Variants in ASMTL observed in about 807,000 individuals in gnomAD.
ASMTL encodes acetylserotonin O-methyltransferase like, also known as probable bifunctional dTTP/UTP pyrophosphatase/methyltransferase protein.
Under a neutral mutation model 60.3 loss-of-function variants are expected in ASMTL, and 57 were observed. That is an observed-to-expected ratio of 0.95 (90% CI 0.76 to 1.18). The LOEUF (loss-of-function observed/expected upper bound fraction) is 1.18. Among genes scored for constraint, ASMTL ranks in the 50% most tolerant of loss-of-function variants. The pLI, the probability that ASMTL is intolerant of heterozygous loss-of-function variation, is 0.00. For missense variants in ASMTL, 981 were observed against 852.6 expected (o/e 1.15, Z -1.88); for synonymous variants, 419 against 373.0 (o/e 1.12, Z -1.42).
chrX:1,436,299 G>A (rs1261212139), intron 3 of ASMTL, among the ~76,000 whole-genome samples: 7 of 151,878 alleles, frequency 4.6e-5, no homozygotes, highest in East Asian at 3.8e-4. Context: ...TCAGCCTCCC[G>A]AGTTGCTGGG....
chrX:1,433,516 A>G (rs1430518301), intron 5 of ASMTL, among the ~76,000 whole-genome samples: 1 of 149,862 alleles, frequency 6.7e-6, no homozygotes, highest in Admixed American at 6.7e-5. Context: ...AAAAAAAAAA[A>G]AAAAAAATAG....
intron 1 of ASMTL, among the ~76,000 whole-genome samples, chrX:1,451,821 G>T (rs2149356175): frequency 7.0e-6 from 1 of 142,620 alleles, no homozygotes; most frequent in East Asian, 2.2e-4. Context: ...ATGCCTGGGG[G>T]TCCCGGGTTA....
At chrX:1,414,890 T>G (rs1381584900) in intron 11 of ASMTL, among the ~76,000 whole-genome samples, 1 of 152,118 alleles carries the variant, frequency 6.6e-6, no homozygotes, top group Non-Finnish European at 1.5e-5. Context: ...CCCACAGGCC[T>G]GGCCGCTGTC....
rs748340482 is a variant in ASMTL, at chrX:1,428,032, G to A, written c.599C>T (p.Pro200Leu). Residue 200 changes from proline (P) to leucine (L), a missense_variant, in exon 7 of 13, where the codon CCG (proline) becomes CTG (leucine). Coordinates refer to ENST00000381317, the MANE Select transcript of ASMTL (RefSeq NM_004192.4). ...CAGCTGCTTGCAGAAGTGGTTCAGCGGGAATCCCACCACGTTCAGAAAGTC... is the reference window on the plus strand; with the variant it reads ...CAGCTGCTTGCAGAAGTGGTTCAGCAGGAATCCCACCACGTTCAGAAAGTC... ...HGDFLNVVGF[P>L]LNHFCKQLVK... 2.5e-5 allele frequency: 40 copies of A among 1,613,566 alleles called. 1 individual carries two copies. The highest frequency in any genetic ancestry group is 3.0e-5 in the Non-Finnish European group (35 of 1,179,870).
At chrX:1,434,135 G>C (rs1368882472) in intron 5 of ASMTL, among the ~76,000 whole-genome samples, 2 of 152,146 alleles carry the variant, frequency 1.3e-5, no homozygotes, top group Admixed American at 6.6e-5. Context: ...AGCTGGGAAT[G>C]GGTTGGTGCA....
At chrX:1,432,206 AC>A (rs201573194) in intron 6 of ASMTL, 62 bp downstream of exon 6, 17,797 of 1,340,356 alleles carry the variant, frequency 0.013, 232 homozygotes, top group South Asian at 0.043. Flanking sequence ...GGGACACCCC[AC>A]GTGTGAGGGT....
intron 8 of ASMTL, among the ~76,000 whole-genome samples, chrX:1,424,349 C>A (rs1341329401): frequency 6.6e-6 from 1 of 151,210 alleles, no homozygotes; most frequent in African/African-American, 2.4e-5. Context: ...ACCACCGATC[C>A]ACTGATATAT....
At chrX:1,408,094 G>A (rs1383199696) in intron 12 of ASMTL, among the ~76,000 whole-genome samples, 5 of 151,030 alleles carry the variant, frequency 3.3e-5, no homozygotes, top group East Asian at 1.9e-4. Flanking sequence ...CCAAATACTC[G>A]GGAGGCTGAG....
chrX:1,441,425 C>T (rs756639294), intron 2 of ASMTL, among the ~76,000 whole-genome samples: 29 of 152,086 alleles, frequency 1.9e-4, no homozygotes, highest in South Asian at 8.3e-4. Flanking sequence ...TACAGGCACC[C>T]GCCACCACGC....
chrX:1,432,580 A>G (rs1279702734), intron 5 of ASMTL, among the ~76,000 whole-genome samples: 1 of 152,242 alleles, frequency 6.6e-6, no homozygotes. Flanking sequence ...CTGTCATCCC[A>G]GCACCTTGGG....
intron 9 of ASMTL, 100 bp downstream of exon 9, chrX:1,421,558 C>T: frequency 7.6e-7 from 1 of 1,310,314 alleles, no homozygotes; most frequent in South Asian, 1.3e-5. Context: ...ATCTGTCAGA[C>T]TGGAGACAGA....
intron 1 of ASMTL, among the ~76,000 whole-genome samples, chrX:1,442,575 C>T (rs867056102): frequency 1.3e-5 from 2 of 151,786 alleles, no homozygotes; most frequent in African/African-American, 2.4e-5. Flanking sequence ...TCTTGGCTCT[C>T]GAGGGAAGAG....
At chrX:1,423,162 C>G (rs774795921) in intron 8 of ASMTL, among the ~76,000 whole-genome samples, 1 of 152,108 alleles carries the variant, frequency 6.6e-6, no homozygotes. Context: ...CCGTGTTAGC[C>G]AGGATGGTCT....
At position 1,432,308 on chromosome X, in the gene ASMTL, T is replaced by C. The variant is rs1195958782; in HGVS notation, c.470A>G (p.Glu157Gly). Residue 157 changes from glutamate to glycine, a missense_variant, in exon 6 of 13, where the codon GAG becomes GGG. Physicochemically the swap from Glu to Gly is moderately conservative, Grantham distance 98. Transcript: ENST00000381317. ...ETKVKFSELS[E>G]ELLWEYVHSG... The stretch of plus-strand genomic sequence containing the variant: ...GTGGACGTATTCCCAGAGCAGCTCC[T>C]CGGACAGCTCCGAGAACTTCACCTT... The C allele has an allele frequency of 3.7e-6, 6 of 1,608,910 alleles. No homozygotes were observed. Among genetic ancestry groups the C allele is most frequent in the Non-Finnish European group, 5.1e-6 (6 of 1,177,768 alleles).
chrX:1,450,994 C>G (rs1329835246), intron 1 of ASMTL, among the ~76,000 whole-genome samples: 1 of 138,500 alleles, frequency 7.2e-6, no homozygotes, highest in Admixed American at 7.0e-5. Flanking sequence ...TCCCCTCCCC[C>G]ATCCCTAGGG....
intron 6 of ASMTL, 124 bp downstream of exon 6, chrX:1,432,145 T>C: frequency 1.3e-6 from 1 of 765,942 alleles, no homozygotes; most frequent in Non-Finnish European, 2.2e-6. Context: ...CGGCTCTCCC[T>C]GTGCCACACG....
intron 7 of ASMTL, among the ~76,000 whole-genome samples, chrX:1,426,689 C>T (rs1224129803): frequency 9.2e-5 from 14 of 152,172 alleles, no homozygotes; most frequent in Non-Finnish European, 1.5e-4. Context: ...CCTGTCTCTA[C>T]TAAAAGTACA....
chrX:1,425,429 G>C (rs5949076), intron 8 of ASMTL, 96 bp downstream of exon 8: 998,396 of 1,369,690 alleles, frequency 0.73, 366,955 homozygotes, highest in South Asian at 0.86. Flanking sequence ...GAAGGTGTGG[G>C]CCTCCTTCCT....
In ASMTL at chrX:1,425,729, C is replaced by T. The variant is rs368600075; in HGVS notation, c.898-42G>A. The stretch of plus-strand genomic sequence containing the variant: ...CAGAGAGACTCATTAAGTCCCTTGT[C>T]CAGTACTTTCTACTCCCACAGACTC... On this transcript the variant is annotated intron_variant, in intron 7 of 12. Coordinates refer to ENST00000381317, the MANE Select transcript of ASMTL (RefSeq NM_004192.4). 4 of 1,593,854 alleles carry T rather than the reference C, an allele frequency of 2.5e-6. No individual in the cohort carries two copies. In the African/African-American group the frequency reaches 5.4e-5, roughly 21 times the overall value.
Sources: gnomAD v4.1 joint callset for allele counts (sites outside exome capture counted in the v4.1 genomes callset) on GRCh38, gnomAD v4.1.1 for gene constraint, MANE v1.5 for transcripts, NCBI Gene and HGNC (gene_info 2026-07-23, HGNC 2026-07-21) for gene names.